Variants in FRMD4B observed in about 807,000 individuals in gnomAD.
The protein encoded by FRMD4B is FERM domain-containing protein 4B.
In FRMD4B, 74 loss-of-function variants were observed where a neutral mutation model predicts 141.5. That is an observed-to-expected ratio of 0.52 (90% CI 0.43 to 0.63). The LOEUF is 0.63. Ranked by LOEUF, FRMD4B falls within the 30% of genes least tolerant of loss-of-function variation. The pLI is 0.00. For synonymous variants in FRMD4B, 506 were observed against 467.9 expected (o/e 1.08, Z -1.05); for missense variants, 1,366 against 1,253.4 (o/e 1.09, Z -1.36).
intron 5 of FRMD4B, among the ~76,000 whole-genome samples, chr3:69,287,211 A>G (rs1700716694): frequency 6.6e-6 from 1 of 152,238 alleles, no homozygotes; most frequent in Admixed American, 6.5e-5. Flanking sequence ...TCCTTGATTC[A>G]TTAGATAGAA....
intron 7 of FRMD4B, among the ~76,000 whole-genome samples, chr3:69,246,675 T>G (rs1481994745): frequency 2.0e-5 from 3 of 152,190 alleles, no homozygotes; most frequent in African/African-American, 7.2e-5. Flanking sequence ...TCAGACAGGA[T>G]AAGTGGCCAC....
At chr3:69,457,861 C>A (rs1353504116) in intron 1 of FRMD4B, among the ~76,000 whole-genome samples, 1 of 152,140 alleles carries the variant, frequency 6.6e-6, no homozygotes. Context: ...ATTCTTCCAC[C>A]ATTTGTCTCT....
At chr3:69,480,991 C>T (rs1202606561) in intron 1 of FRMD4B, among the ~76,000 whole-genome samples, 5 of 152,306 alleles carry the variant, frequency 3.3e-5, no homozygotes, top group Middle Eastern at 3.4e-3. Context: ...AGCGAGACTC[C>T]GTGGGCTTAG....
In FRMD4B at chr3:69,269,886, CT is replaced by C; in HGVS notation, c.501+17865del. Among the ~76,000 whole-genome samples the C allele has an allele frequency of 1.3e-5, 2 of 152,352 alleles. 1 individual carries two copies. The highest frequency in any genetic ancestry group is 4.8e-5 in the African/African-American group (2 of 41,570). Reference sequence around the variant, plus strand: ...CTGCCCGCCTCAGCCTCCCAAAGTGCTGGGATTACAGGCGTGAACCACTGTG... The same window carrying C: ...CTGCCCGCCTCAGCCTCCCAAAGTGCGGGATTACAGGCGTGAACCACTGTG... On this transcript the variant is annotated intron_variant, in intron 5 of 22. Coordinates refer to ENST00000398540, the MANE Select transcript of FRMD4B (RefSeq NM_015123.3).
chr3:69,339,241 T>G (rs4855308), intron 1 of FRMD4B, among the ~76,000 whole-genome samples: 93,381 of 151,916 alleles, frequency 0.61, 29,026 homozygotes, highest in Admixed American at 0.67. Context: ...AGTTTTATAA[T>G]CAGTTCTATC....
intron 2 of FRMD4B, among the ~76,000 whole-genome samples, chr3:69,419,693 G>A (rs764553591): frequency 9.9e-5 from 15 of 152,198 alleles, no homozygotes; most frequent in Non-Finnish European, 1.9e-4. Context: ...TATGGTAGAA[G>A]TGCATGGATG....
intron 1 of FRMD4B, among the ~76,000 whole-genome samples, chr3:69,501,570 T>C (rs568948146): frequency 6.6e-6 from 1 of 152,270 alleles, no homozygotes; most frequent in East Asian, 1.9e-4. Context: ...GCTGAGGTAA[T>C]ATCACACTGA....
At chr3:69,347,883 G>C (rs533880055) in intron 1 of FRMD4B, among the ~76,000 whole-genome samples, 7 of 152,080 alleles carry the variant, frequency 4.6e-5, no homozygotes, top group African/African-American at 1.7e-4. Context: ...GAAAGCAGGA[G>C]AGATCTAAAT....
intron 1 of FRMD4B, among the ~76,000 whole-genome samples, chr3:69,501,777 A>C (rs1022456462): frequency 1.3e-5 from 2 of 152,188 alleles, no homozygotes; most frequent in African/African-American, 2.4e-5. Context: ...TATATCTAGA[A>C]AACCCCACTG....
At chr3:69,362,397 C>A (rs1316866941) in intron 1 of FRMD4B, among the ~76,000 whole-genome samples, 1 of 152,204 alleles carries the variant, frequency 6.6e-6, no homozygotes, top group African/African-American at 2.4e-5. Flanking sequence ...TAATTGGAAT[C>A]CTTTCCAGTT....
chr3:69,475,172 T>C (rs1705964150), intron 1 of FRMD4B, among the ~76,000 whole-genome samples: 1 of 152,116 alleles, frequency 6.6e-6, no homozygotes, highest in African/African-American at 2.4e-5. Context: ...GCTAATTTCC[T>C]GACCTGTGTT....
intron 9 of FRMD4B, among the ~76,000 whole-genome samples, chr3:69,218,900 C>T (rs1011435335): frequency 2.6e-4 from 40 of 152,150 alleles, no homozygotes; most frequent in African/African-American, 9.4e-4. Context: ...CGGTGGCTCA[C>T]GCCTGTAATC....
chr3:69,427,660 T>TTTTTTTTTTTTTTTTTG (rs1705109101), intron 2 of FRMD4B, among the ~76,000 whole-genome samples: 1 of 128,708 alleles, frequency 7.8e-6, no homozygotes, highest in Non-Finnish European at 1.6e-5. Context: ...TTTTTTTTTT[T>TTTTTTTTTTTTTTTTTG]TTTTTTTTTT....
At position 69,169,353 on chromosome 3, in the gene FRMD4B, C is replaced by CTTCCTT. The variant is rs1553691418; in HGVS notation, c.*2507_*2508insAAGGAA. Among the ~76,000 whole-genome samples the CTTCCTT allele has an allele frequency of 1.1e-3, 31 of 29,266 alleles. 4 individuals are homozygous for CTTCCTT. The highest frequency in any genetic ancestry group is 1.4e-3 in the African/African-American group (22 of 15,652). The allele number at this position is 29,266 out of a possible 152,430, so 19.2% of individuals were successfully genotyped here. On this transcript the variant is annotated 3_prime_UTR_variant, in exon 23 of 23. Transcript: ENST00000398540. ...AGGATTGCTGAACTTCCATTTCTTT[C>CTTCCTT]TTTTTTTTTTTTTTTTTTTTTTCTT...
chr3:69,533,580 A>G (rs1257625613), intron 1 of FRMD4B, among the ~76,000 whole-genome samples: 1 of 152,210 alleles, frequency 6.6e-6, no homozygotes, highest in Admixed American at 6.5e-5. Context: ...TGCTTTGAAA[A>G]GGGAACTTAT....
chr3:69,325,931 G>A (rs1365630785), intron 1 of FRMD4B, among the ~76,000 whole-genome samples: 13 of 152,062 alleles, frequency 8.5e-5, no homozygotes, highest in South Asian at 6.2e-4. Flanking sequence ...GCTTAAGTGC[G>A]TACTTCTCTC....
At chr3:69,187,644 T>G in intron 19 of FRMD4B, 126 bp downstream of exon 19, 1 of 825,836 alleles carries the variant, frequency 1.2e-6, no homozygotes, top group South Asian at 2.1e-5. Flanking sequence ...GCCCCAGTTT[T>G]ACAAGATAAC....
chr3:69,468,766 T>A (rs1705835539), intron 1 of FRMD4B, among the ~76,000 whole-genome samples: 1 of 152,196 alleles, frequency 6.6e-6, no homozygotes, highest in South Asian at 2.1e-4. Flanking sequence ...GAGACCTTAA[T>A]AATATTATTG....
chr3:69,334,176 T>C (rs1171628963), intron 1 of FRMD4B: 2 of 152,244 alleles, frequency 1.3e-5, no homozygotes, highest in Non-Finnish European at 2.9e-5. Flanking sequence ...TCCTCTTTAA[T>C]TGCTGCCTCA....
Sources: gnomAD v4.1 joint callset for allele counts (sites outside exome capture counted in the v4.1 genomes callset) on GRCh38, gnomAD v4.1.1 for gene constraint, MANE v1.5 for transcripts, NCBI Gene and HGNC (gene_info 2026-07-23, HGNC 2026-07-21) for gene names.